SLC16A9: variants seen among roughly 807,000 people sequenced by gnomAD.
The protein encoded by SLC16A9 is monocarboxylate transporter 9.
SLC16A9 carries 26 observed loss-of-function variants against 44.3 expected under a neutral mutation model. The ratio of observed to expected loss-of-function variants is 0.59; its 90% CI spans 0.43 to 0.81. The LOEUF (loss-of-function observed/expected upper bound fraction) is 0.81, where lower values mean the gene tolerates loss of function less well. Among genes scored for constraint, SLC16A9 ranks in the 40% least tolerant of loss-of-function variants. The pLI is 0.00. For synonymous variants in SLC16A9, 230 were observed against 225.1 expected (o/e 1.02, Z -0.19); for missense variants, 559 against 595.8 (o/e 0.94, Z 0.64).
At chr10:59,693,932 T>C (rs190393390) in intron 1 of SLC16A9, among the ~76,000 whole-genome samples, 4 of 144,722 alleles carry the variant, frequency 2.8e-5, no homozygotes, top group East Asian at 2.2e-4. Context: ...ATTTTACTTA[T>C]TTATTTATTT....
rs183456414 is a variant in SLC16A9 at position 59,692,130 on chromosome 10, C to T, written c.-36-7803G>A. 2.7e-3 allele frequency among the ~76,000 whole-genome samples: 417 copies of T among 152,218 alleles called. 2 individuals are homozygous for T. Among genetic ancestry groups the T allele is most frequent in the Middle Eastern group, 0.01 (3 of 294 alleles). ...TTTTTATTTGAATCTCAATCACTACCGGATTGTCTGGTGCTGAAGCACTTT... is the reference window on the plus strand; with the variant it reads ...TTTTTATTTGAATCTCAATCACTACTGGATTGTCTGGTGCTGAAGCACTTT... On this transcript the variant is annotated intron_variant, in intron 1 of 5. Transcript: ENST00000395348.
intron 4 of SLC16A9, among the ~76,000 whole-genome samples, chr10:59,655,853 G>A (rs1839338834): frequency 6.6e-6 from 1 of 152,164 alleles, no homozygotes; most frequent in Admixed American, 6.5e-5. Context: ...GATGCCAATA[G>A]GACCAAGCTC....
chr10:59,707,585 CAA>C (rs35376586), intron 1 of SLC16A9, among the ~76,000 whole-genome samples: 40,651 of 127,660 alleles, frequency 0.32, 5,790 homozygotes, highest in Middle Eastern at 0.38. Context: ...CTCACCACAC[CAA>C]AAAAAAAAAA....
rs765319715 is a variant in SLC16A9, at chr10:59,652,955, A to G, written c.1352-5T>C. The stretch of plus-strand genomic sequence containing the variant: ...GGGTCCAGTCATAAAACCAACCTGA[A>G]AAGGCAGTAAGAAAAAAAGTAAGTT... On this transcript the variant is annotated splice_polypyrimidine_tract_variant and splice_region_variant and intron_variant, in intron 5 of 5. Coordinates refer to ENST00000395348, the MANE Select transcript of SLC16A9 (RefSeq NM_194298.3). 1.3e-6 allele frequency: 2 copies of G among 1,594,436 alleles called. No individual in the cohort carries two copies. Among genetic ancestry groups the G allele is most frequent in the South Asian group, 2.3e-5 (2 of 87,188 alleles).
At chr10:59,687,357 G>A (rs1035916414) in intron 1 of SLC16A9, among the ~76,000 whole-genome samples, 11 of 152,218 alleles carry the variant, frequency 7.2e-5, no homozygotes, top group Non-Finnish European at 1.5e-4. Flanking sequence ...TTTCTTTTAC[G>A]AAGTTAAGAA....
In SLC16A9 at chr10:59,681,804, GTAT is replaced by G. The variant is rs1387839070; in HGVS notation, c.196+2289_196+2291del. ...ATATGATGTATATGTATATGTATAT[GTAT>G]ATGTATATATGATGTATATGTATAT... On this transcript the variant is annotated intron_variant, in intron 2 of 5. Transcript: ENST00000395348. Among the ~76,000 whole-genome samples the G allele has an allele frequency of 4.4e-3, 118 of 26,778 alleles. 3 individuals are homozygous for G. Among genetic ancestry groups the G allele is most frequent in the African/African-American group, 0.012 (112 of 9,268 alleles). 17.6% of individuals were successfully genotyped at this position (26,778 alleles called of 152,430 possible).
At chr10:59,708,878 G>C (rs1840701540) in intron 1 of SLC16A9, 1 of 152,472 alleles carries the variant, frequency 6.6e-6, no homozygotes, top group African/African-American at 2.4e-5. Context: ...TCCTGCGGCG[G>C]TGGCGAAGGC....
At chr10:59,694,164 C>T (rs10993964) in intron 1 of SLC16A9, among the ~76,000 whole-genome samples, 42,137 of 151,704 alleles carry the variant, frequency 0.28, 7,248 homozygotes, top group Middle Eastern at 0.4. Flanking sequence ...TGGTCTTGAT[C>T]TCCTGACCTT....
At chr10:59,707,270 G>C (rs556736315) in intron 1 of SLC16A9, among the ~76,000 whole-genome samples, 20 of 121,496 alleles carry the variant, frequency 1.6e-4, no homozygotes, top group Non-Finnish European at 2.2e-4. Flanking sequence ...GAGGGGAGGG[G>C]AGAGGAGGGA....
At chr10:59,679,521 A>C (rs1318897719) in intron 2 of SLC16A9, among the ~76,000 whole-genome samples, 1 of 152,244 alleles carries the variant, frequency 6.6e-6, no homozygotes, top group Non-Finnish European at 1.5e-5. Flanking sequence ...AATTACAAGC[A>C]GAATTTCTTC....
At chr10:59,665,518 C>A (rs1370128932) in intron 3 of SLC16A9, among the ~76,000 whole-genome samples, 1 of 152,012 alleles carries the variant, frequency 6.6e-6, no homozygotes. Flanking sequence ...AGACTTTAAC[C>A]CTTTAAAAAT....
At chr10:59,700,858 CTG>C (rs1159875191) in intron 1 of SLC16A9, among the ~76,000 whole-genome samples, 1 of 152,144 alleles carries the variant, frequency 6.6e-6, no homozygotes, top group African/African-American at 2.4e-5. Context: ...GTTTACGTCT[CTG>C]TTTTTATGAA....
Position 59,653,626 on chromosome 10 carries a change from T to C in SLC16A9, c.1351+49A>G, listed in dbSNP as rs746604391. The stretch of plus-strand genomic sequence containing the variant: ...ATCTGGACCTCTATATCTGGAGATA[T>C]GACAAGGAAGAACAGTAAAATGGGA... On this transcript the variant is annotated intron_variant, in intron 5 of 5. Transcript: ENST00000395348. 9.2e-5 allele frequency: 138 copies of C among 1,502,964 alleles called. 1 individual carries two copies. In the South Asian group the frequency reaches 1.6e-3, roughly 18 times the overall value. 93.1% of individuals were successfully genotyped at this position (1,502,964 alleles called of 1,614,324 possible).
chr10:59,684,176 T>TGGAGTC lies in SLC16A9; in HGVS notation c.115_116insGACTCC (p.Glu39delinsGlyLeuGln). On this transcript the variant is annotated protein_altering_variant, in exon 2 of 6. Coordinates refer to ENST00000395348, the MANE Select transcript of SLC16A9 (RefSeq NM_194298.3). Reference sequence around the variant, plus strand: ...TCCTTCACCAAAGGCATCCAGCCATTCTATGTACAGGACTCCAACAGCTAG... The same window carrying TGGAGTC: ...TCCTTCACCAAAGGCATCCAGCCATTGGAGTCCTATGTACAGGACTCCAACAGCTAG... 1 of 1,614,052 alleles carries TGGAGTC rather than the reference T, an allele frequency of 6.2e-7. No individual in the cohort carries two copies. Among genetic ancestry groups the TGGAGTC allele is most frequent in the Non-Finnish European group, 8.5e-7 (1 of 1,179,966 alleles).
At chr10:59,659,258 T>C (rs1455312104) in intron 4 of SLC16A9, among the ~76,000 whole-genome samples, 1 of 151,986 alleles carries the variant, frequency 6.6e-6, no homozygotes, top group African/African-American at 2.4e-5. Context: ...CAGTGAGAGG[T>C]ATTGAGAAAC....
At chr10:59,705,999 T>C (rs1200168460) in intron 1 of SLC16A9, among the ~76,000 whole-genome samples, 2 of 152,186 alleles carry the variant, frequency 1.3e-5, no homozygotes, top group African/African-American at 4.8e-5. Context: ...ATAAACACAC[T>C]AGACTTCCTT....
rs1379926442 is a variant in SLC16A9, at chr10:59,652,835, G to T, written c.1467C>A (p.Cys489Ter). ...LLAALPSWDT[C>*]NKQLPKPAPT... is the part of the protein sequence containing the mutation. The stretch of plus-strand genomic sequence containing the variant: ...GAGCTGGCTTGGGGAGTTGCTTGTT[G>T]CATGTATCCCAAGAGGGCAAGGCTG... Residue 489 changes from cysteine (C) to a stop codon, truncating the protein, a stop_gained, in exon 6 of 6, where the codon TGC (cysteine) becomes TGA (stop). Coordinates refer to ENST00000395348, the MANE Select transcript of SLC16A9 (RefSeq NM_194298.3). LOFTEE classifies it high-confidence loss of function. The T allele has an allele frequency of 6.2e-7, 1 of 1,613,926 alleles. No homozygotes were observed. Among genetic ancestry groups the T allele is most frequent in the Non-Finnish European group, 8.5e-7 (1 of 1,179,916 alleles).
chr10:59,668,105 A>G (rs537324236), intron 3 of SLC16A9, among the ~76,000 whole-genome samples: 12 of 151,946 alleles, frequency 7.9e-5, no homozygotes, highest in African/African-American at 2.7e-4. Flanking sequence ...AAGCCTCCTA[A>G]TAGCTGTCTC....
chr10:59,653,683 G>T lies in SLC16A9; in HGVS notation c.1343C>A (p.Pro448His). The T allele has an allele frequency of 6.2e-7, 1 of 1,607,970 alleles. No homozygotes were observed. Among genetic ancestry groups the T allele is most frequent in the Non-Finnish European group, 8.5e-7 (1 of 1,176,550 alleles). ...FAGLGNSLGP[P>H]IVGWFYDWTQ... ...TAAGATAAATATCTTACCAACGATGGGTGGTCCTAGGCTATTTCCAAGTCC... is the reference window on the plus strand; with the variant it reads ...TAAGATAAATATCTTACCAACGATGTGTGGTCCTAGGCTATTTCCAAGTCC... The change falls in exon 5 of 6, where the codon CCC becomes CAC. Residue 448 changes from proline (P) to histidine (H), a missense_variant. Pro to His is a moderately conservative substitution (Grantham distance 77, BLOSUM62 -2). Transcript: ENST00000395348.
Sources: gnomAD v4.1 joint callset for allele counts (sites outside exome capture counted in the v4.1 genomes callset) on GRCh38, gnomAD v4.1.1 for gene constraint, MANE v1.5 for transcripts, NCBI Gene and HGNC (gene_info 2026-07-23, HGNC 2026-07-21) for gene names.